The following OIT3 variants were observed in gnomAD, a reference collection of about 807,000 sequenced individuals.
OIT3 encodes the protein oncoprotein induced transcript 3, also known as oncoprotein-induced transcript 3 protein.
Under a neutral mutation model 52.2 loss-of-function variants are expected in OIT3, and 41 were observed. The observed-to-expected ratio is 0.79, with a 90% confidence interval of 0.61 to 1.02. OIT3 has a LOEUF of 1.02. OIT3 is among the 50% of genes least tolerant of loss of function. The pLI, the probability that OIT3 is intolerant of heterozygous loss-of-function variation, is 0.00. For synonymous variants in OIT3, 244 were observed against 276.9 expected (o/e 0.88, Z 1.18); for missense variants, 634 against 715.5 (o/e 0.89, Z 1.30).
chr10:72,897,838 C>T (rs1026103480), intron 1 of OIT3, among the ~76,000 whole-genome samples: 4 of 152,178 alleles, frequency 2.6e-5, no homozygotes, highest in African/African-American at 7.2e-5. Flanking sequence ...CTCTTTCACA[C>T]GCCTGTTCCA....
chr10:72,910,616 A>C (rs1846020741), intron 4 of OIT3, among the ~76,000 whole-genome samples: 1 of 152,244 alleles, frequency 6.6e-6, no homozygotes, highest in Non-Finnish European at 1.5e-5. Flanking sequence ...AAACTAATTC[A>C]TGTTCCAAAT....
intron 2 of OIT3, 86 bp from the exon 3 acceptor site, chr10:72,900,291 C>A: frequency 6.8e-6 from 5 of 733,242 alleles, no homozygotes; most frequent in Non-Finnish European, 1.2e-5. Flanking sequence ...ACCACCCCCC[C>A]CGACCCCCCG....
chr10:72,920,525 G>A (rs1174644433), intron 6 of OIT3, among the ~76,000 whole-genome samples: 1 of 152,096 alleles, frequency 6.6e-6, no homozygotes, highest in South Asian at 2.1e-4. Flanking sequence ...GTGATGTCGG[G>A]TTGTTAACTT....
At chr10:72,895,737 G>C (rs928967253) in intron 1 of OIT3, among the ~76,000 whole-genome samples, 1 of 152,186 alleles carries the variant, frequency 6.6e-6, no homozygotes, top group African/African-American at 2.4e-5. Flanking sequence ...CCTTGGCCCT[G>C]CGTGGTCCTG....
At chr10:72,894,857 C>T (rs1845860754) in intron 1 of OIT3, among the ~76,000 whole-genome samples, 1 of 152,008 alleles carries the variant, frequency 6.6e-6, no homozygotes, top group Non-Finnish European at 1.5e-5. Context: ...CACTGCACTC[C>T]AGCCTGGGCA....
At chr10:72,901,933 C>A (rs1845938390) in intron 3 of OIT3, among the ~76,000 whole-genome samples, 2 of 152,058 alleles carry the variant, frequency 1.3e-5, no homozygotes, top group Non-Finnish European at 2.9e-5. Flanking sequence ...TAGCTGTAGT[C>A]TCAGCTGAGG....
At chr10:72,930,430 AGCCTCCTCCACCCCTTTGGCTCTCCTTGG>A in intron 7 of OIT3, 79 bp from the exon 8 acceptor site, 1 of 813,618 alleles carries the variant, frequency 1.2e-6, no homozygotes, top group East Asian at 2.5e-5. Context: ...AGTACAGTCC[AGCCTCCTCCACCCCTTTGGCTCTCCTTGG>A]GCCAAAATGT....
intron 3 of OIT3, among the ~76,000 whole-genome samples, chr10:72,901,283 C>T (rs11818126): frequency 0.22 from 33,947 of 151,924 alleles, 5,101 homozygotes; most frequent in Non-Finnish European, 0.34. Flanking sequence ...AGGACTTACT[C>T]CTCTAGCTTC....
chr10:72,912,326 A>G (rs1846036991), intron 5 of OIT3, among the ~76,000 whole-genome samples: 1 of 145,048 alleles, frequency 6.9e-6, no homozygotes, highest in African/African-American at 2.7e-5. Flanking sequence ...TGGAGTGTGA[A>G]GTGATGTGAT....
At chr10:72,913,959 A>G (rs2132938882) in intron 6 of OIT3, among the ~76,000 whole-genome samples, 1 of 152,350 alleles carries the variant, frequency 6.6e-6, no homozygotes, top group East Asian at 1.9e-4. Flanking sequence ...TGCACAGCAG[A>G]ATTGAGATGA....
In OIT3 at chr10:72,930,535, C is replaced by G. The variant is rs1412263810; in HGVS notation, c.1368-3C>G. On this transcript the variant is annotated splice_polypyrimidine_tract_variant and splice_region_variant and intron_variant, in intron 7 of 8. Coordinates refer to ENST00000334011, the MANE Select transcript of OIT3 (RefSeq NM_152635.3). ...TCTTATGTGCTATCTGCCCTACTTT[C>G]AGCTGTGTTTCAGATGACTCGGTAA... 6.2e-7 allele frequency: 1 copy of G among 1,605,046 alleles called. No homozygotes were observed. The highest frequency in any genetic ancestry group is 1.3e-5 in the African/African-American group (1 of 74,700).
At position 72,930,588 on chromosome 10, in the gene OIT3, C is replaced by G; in HGVS notation, c.1418C>G (p.Ala473Gly). 1.2e-6 allele frequency: 2 copies of G among 1,613,648 alleles called. No homozygotes were observed. The highest frequency in any genetic ancestry group is 1.7e-6 in the Non-Finnish European group (2 of 1,179,836). Residue 473 changes from alanine to glycine, a missense_variant, in exon 8 of 9, where the codon GCA becomes GGA. Ala to Gly is a moderately conservative substitution (Grantham distance 60). Transcript: ENST00000334011. ...CAGTACACATCCCGGGATCACCTAG[C>G]AAAGCACTTCCAGGTCCCTGTCTTC... ...VKQYTSRDHL[A>G]KHFQVPVFKF...
At chr10:72,910,512 C>CA (rs565564577) in intron 4 of OIT3, among the ~76,000 whole-genome samples, 56 of 150,168 alleles carry the variant, frequency 3.7e-4, no homozygotes, top group Middle Eastern at 6.8e-3. Flanking sequence ...AAACAAAAAA[C>CA]AAAAAAAAAT....
In OIT3 at chr10:72,902,895, T is replaced by C. The variant is rs79610519; in HGVS notation, c.544+2411T>C. On this transcript the variant is annotated intron_variant, in intron 3 of 8. Transcript: ENST00000334011. ...TGCAGACACAGCCAAATCATATCAA[T>C]ATGTTTACTTATTGGCCATTTTTAA... Among the ~76,000 whole-genome samples the C allele has an allele frequency of 5.9e-3, 897 of 152,308 alleles. 10 individuals carry two copies. The highest frequency in any genetic ancestry group is 0.021 in the African/African-American group (854 of 41,560).
chr10:72,929,574 CT>C lies in OIT3; in HGVS notation c.1368-949del, dbSNP rs77531395. Among the ~76,000 whole-genome samples, 559 of 139,594 alleles carry C rather than the reference CT, an allele frequency of 4.0e-3. 1 individual carries two copies. Among genetic ancestry groups the C allele is most frequent in the Middle Eastern group, 7.2e-3 (2 of 276 alleles). 91.6% of individuals were successfully genotyped at this position (139,594 alleles called of 152,430 possible). Reference sequence around the variant, plus strand: ...TACAGAGGCATACCACCACACTTGACTTTTTTTTTTTTTTTAGAGACAAGGT... The same window carrying C: ...TACAGAGGCATACCACCACACTTGACTTTTTTTTTTTTTTAGAGACAAGGT... On this transcript the variant is annotated intron_variant, in intron 7 of 8. Coordinates refer to ENST00000334011, the MANE Select transcript of OIT3 (RefSeq NM_152635.3).
At chr10:72,902,150 G>A (rs970805538) in intron 3 of OIT3, among the ~76,000 whole-genome samples, 3 of 152,160 alleles carry the variant, frequency 2.0e-5, no homozygotes, top group African/African-American at 4.8e-5. Flanking sequence ...CATAGGCGTT[G>A]TTAGGGATCT....
In OIT3 at chr10:72,913,444, C is replaced by A; in HGVS notation, c.927C>A (p.Leu309=). The stretch of plus-strand genomic sequence containing the variant: ...CCCATGTCAACATCCTCTTCTCTCT[C>A]AAGACATGTGGTACAGTGGTCGATG... ...NGTHVNILFS[L]KTCGTVVDVV... The change falls in exon 6 of 9, where the codon CTC becomes CTA. Residue 309 remains leucine (L), a synonymous_variant. Coordinates refer to ENST00000334011, the MANE Select transcript of OIT3 (RefSeq NM_152635.3). 6.2e-7 allele frequency: 1 copy of A among 1,612,090 alleles called. No homozygotes were observed.
rs113219546 is a variant in OIT3, at chr10:72,898,421, T to C, written c.62-243T>C. On this transcript the variant is annotated intron_variant, in intron 1 of 8. Transcript: ENST00000334011. The stretch of plus-strand genomic sequence containing the variant: ...CTATCCTTCTATCAAATAATTACTC[T>C]GGATAAAAATTCAGTTCAATGCTAA... Among the ~76,000 whole-genome samples the C allele has an allele frequency of 6.5e-3, 994 of 152,340 alleles. 9 individuals carry two copies. Among genetic ancestry groups the C allele is most frequent in the African/African-American group, 0.023 (952 of 41,586 alleles).
chr10:72,896,708 GC>G (rs1845878179), intron 1 of OIT3, among the ~76,000 whole-genome samples: 1 of 152,126 alleles, frequency 6.6e-6, no homozygotes, highest in Non-Finnish European at 1.5e-5. Flanking sequence ...GGTGATCATG[GC>G]CCATTCATAT....
Sources: allele counts gnomAD v4.1 joint callset (sites outside exome capture counted in the v4.1 genomes callset), GRCh38; gene constraint gnomAD v4.1.1; transcripts MANE v1.5; gene names NCBI Gene and HGNC (gene_info 2026-07-23, HGNC 2026-07-21).